Variants in BBX observed in about 807,000 individuals in gnomAD.
BBX encodes the protein BBX high mobility group box domain containing.
In BBX, 30 loss-of-function variants were observed where a neutral mutation model predicts 100.2. That is an observed-to-expected ratio of 0.30 (90% CI 0.22 to 0.41). BBX has a LOEUF of 0.41. Ranked by LOEUF, BBX falls within the 10% of genes least tolerant of loss-of-function variation. BBX has a pLI of 1.00. For missense variants in BBX, 1,023 were observed against 1,129.8 expected (o/e 0.91, Z 1.35); for synonymous variants, 376 against 388.1 (o/e 0.97, Z 0.37).
intron 17 of BBX, among the ~76,000 whole-genome samples, chr3:107,802,105 T>G (rs1368458311): frequency 6.6e-6 from 1 of 152,254 alleles, no homozygotes; most frequent in Non-Finnish European, 1.5e-5. Flanking sequence ...AAAAGCCTGT[T>G]GTAAATTCAG....
At chr3:107,801,072 G>T (rs1253560718) in intron 16 of BBX, 23 bp from the exon 17 acceptor site, 1 of 1,610,340 alleles carries the variant, frequency 6.2e-7, no homozygotes, top group African/African-American at 1.3e-5. Context: ...ATCCTCTCAT[G>T]ATGGATTTCT....
chr3:107,538,114 G>A (rs1383185322), intron 2 of BBX, among the ~76,000 whole-genome samples: 1 of 152,114 alleles, frequency 6.6e-6, no homozygotes, highest in Non-Finnish European at 1.5e-5. Flanking sequence ...TTTAGGTTTC[G>A]TATGTGGACA....
intron 15 of BBX, among the ~76,000 whole-genome samples, chr3:107,795,018 A>G (rs1166240629): frequency 6.6e-6 from 1 of 152,162 alleles, no homozygotes; most frequent in African/African-American, 2.4e-5. Context: ...AGCCCAGTGG[A>G]TTTGTTCTGA....
intron 12 of BBX, among the ~76,000 whole-genome samples, chr3:107,776,807 G>C (rs2067356946): frequency 6.6e-6 from 1 of 152,094 alleles, no homozygotes; most frequent in Non-Finnish European, 1.5e-5. Context: ...CAGAGTATTT[G>C]AAAAATTCAC....
In BBX at chr3:107,744,674, A is replaced by G. The variant is rs745770579; in HGVS notation, c.714A>G (p.Glu238=). 6.8e-6 allele frequency: 11 copies of G among 1,613,266 alleles called. No homozygotes were observed. Among genetic ancestry groups the G allele is most frequent in the Non-Finnish European group, 1.7e-6 (2 of 1,179,462 alleles). The part of the protein sequence containing the change: ...TCRPDVSESP[E]LRQKSPLFQF... Reference sequence around the variant, plus strand: ...GGCCTGATGTTTCAGAATCTCCTGAATTACGTCAGAAGTCACCATTGTTTC... The same window carrying G: ...GGCCTGATGTTTCAGAATCTCCTGAGTTACGTCAGAAGTCACCATTGTTTC... The change falls in exon 8 of 18, where the codon GAA becomes GAG. Residue 238 remains glutamate, a synonymous_variant. Coordinates refer to ENST00000325805, the MANE Select transcript of BBX (RefSeq NM_001142568.3).
intron 3 of BBX, among the ~76,000 whole-genome samples, chr3:107,660,926 C>T (rs72941361): frequency 0.066 from 10,004 of 152,090 alleles, 1,101 homozygotes; most frequent in African/African-American, 0.22. Context: ...TTTTGAGCAC[C>T]GGTTCTTTAC....
chr3:107,633,307 TATA>T (rs1473912964), intron 2 of BBX, among the ~76,000 whole-genome samples: 1 of 152,096 alleles, frequency 6.6e-6, no homozygotes, highest in Non-Finnish European at 1.5e-5. Flanking sequence ...ATAGTTGAAT[TATA>T]TTATTATTAA....
chr3:107,737,773 C>T (rs1196715764), intron 7 of BBX, among the ~76,000 whole-genome samples: 1 of 150,890 alleles, frequency 6.6e-6, no homozygotes, highest in Non-Finnish European at 1.5e-5. Context: ...CCATGATCTG[C>T]CTATTTTAAA....
chr3:107,726,095 A>T (rs1318868665), intron 5 of BBX, among the ~76,000 whole-genome samples: 1 of 151,972 alleles, frequency 6.6e-6, no homozygotes, highest in Non-Finnish European at 1.5e-5. Flanking sequence ...ATTGAACGGC[A>T]TGCTAATAAG....
intron 2 of BBX, among the ~76,000 whole-genome samples, chr3:107,622,263 T>C (rs185771084): frequency 1.0e-3 from 155 of 152,354 alleles, no homozygotes; most frequent in Middle Eastern, 3.4e-3. Flanking sequence ...TGTTGCTTTA[T>C]ATCAACAGTT....
Position 107,591,637 on chromosome 3 carries a change from G to A in BBX, c.-83-54199G>A, listed in dbSNP as rs537784937. Among the ~76,000 whole-genome samples the A allele has an allele frequency of 3.3e-5, 5 of 152,210 alleles. No individual in the cohort carries two copies. In the East Asian group the frequency reaches 5.8e-4, roughly 18 times the overall value. On this transcript the variant is annotated intron_variant, in intron 2 of 17. Coordinates refer to ENST00000325805, the MANE Select transcript of BBX (RefSeq NM_001142568.3). ...CGAGTAGCTGGGACCACAGGCATGC[G>A]CCAGTACGCCTGGCTAATTTTTGTA...
chr3:107,546,748 C>T (rs571757396), intron 2 of BBX, among the ~76,000 whole-genome samples: 23 of 152,244 alleles, frequency 1.5e-4, no homozygotes, highest in Admixed American at 4.6e-4. Context: ...GATATTTGAT[C>T]ATGATTTGGG....
At chr3:107,527,246 T>G (rs572070918) in intron 2 of BBX, among the ~76,000 whole-genome samples, 1 of 142,206 alleles carries the variant, frequency 7.0e-6, no homozygotes, top group East Asian at 1.9e-4. Context: ...ACACCCCAGG[T>G]ACTCTTGAGT....
chr3:107,729,111 G>GAT (rs1177277830), intron 6 of BBX, 151 bp downstream of exon 6: 2 of 762,732 alleles, frequency 2.6e-6, no homozygotes, highest in Non-Finnish European at 4.2e-6. Flanking sequence ...ATTGGATCAT[G>GAT]ATATATATAG....
At chr3:107,579,319 A>G (rs896892070) in intron 2 of BBX, among the ~76,000 whole-genome samples, 2 of 152,172 alleles carry the variant, frequency 1.3e-5, no homozygotes, top group African/African-American at 4.8e-5. Flanking sequence ...TGCCTGGAAC[A>G]GTTGGGTCTT....
Position 107,800,963 on chromosome 3 carries a change from A to G in BBX, c.2552-132A>G, listed in dbSNP as rs570925875. 8 of 861,060 alleles carry G rather than the reference A, an allele frequency of 9.3e-6. No homozygotes were observed. In the South Asian group the frequency reaches 1.0e-4, roughly 11 times the overall value. 53.3% of individuals were successfully genotyped at this position (861,060 alleles called of 1,614,324 possible). A position where few individuals can be genotyped will look rare whatever the true frequency, so the allele number is the denominator to read the frequency against. On this transcript the variant is annotated intron_variant, in intron 16 of 17. Transcript: ENST00000325805. ...GAAGAGATTCTGTAAAAGCCTTAAT[A>G]TTCGATGGATAGCAAAAGTGAATGG...
chr3:107,574,992 A>G (rs568484060), intron 2 of BBX, among the ~76,000 whole-genome samples: 49 of 152,346 alleles, frequency 3.2e-4, no homozygotes, highest in African/African-American at 1.2e-3. Flanking sequence ...TAAAATGGAA[A>G]GTGTTTTAGA....
intron 3 of BBX, among the ~76,000 whole-genome samples, chr3:107,653,335 G>T (rs1053532573): frequency 1.3e-5 from 2 of 152,230 alleles, no homozygotes; most frequent in East Asian, 1.9e-4. Flanking sequence ...CTTCATCAGC[G>T]ACCCTGTGAG....
chr3:107,612,430 C>T (rs1400713318), intron 2 of BBX, among the ~76,000 whole-genome samples: 1 of 152,062 alleles, frequency 6.6e-6, no homozygotes, highest in Non-Finnish European at 1.5e-5. Context: ...ATTTTTTTGT[C>T]ACTGTAGTTG....
Sources: allele counts gnomAD v4.1 joint callset (sites outside exome capture counted in the v4.1 genomes callset), GRCh38; gene constraint gnomAD v4.1.1; transcripts MANE v1.5; gene names NCBI Gene and HGNC (gene_info 2026-07-23, HGNC 2026-07-21).